Variants in SV2C observed in about 807,000 individuals in gnomAD.
SV2C encodes the protein synaptic vesicle glycoprotein 2C.
Under a neutral mutation model 79.7 loss-of-function variants are expected in SV2C, and 49 were observed. That is an observed-to-expected ratio of 0.61 (90% CI 0.49 to 0.78). SV2C has a LOEUF of 0.78. Among genes scored for constraint, SV2C ranks in the 30% least tolerant of loss-of-function variants. The pLI, the probability that SV2C is intolerant of heterozygous loss-of-function variation, is 0.00. For synonymous variants in SV2C, 334 were observed against 333.2 expected (o/e 1.00, Z -0.03); for missense variants, 833 against 912.9 (o/e 0.91, Z 1.13).
intron 2 of SV2C, among the ~76,000 whole-genome samples, chr5:76,176,432 G>A (rs908010112): frequency 6.6e-6 from 1 of 152,224 alleles, no homozygotes; most frequent in East Asian, 1.9e-4. Context: ...GCTAATTAAT[G>A]TATTTTTATT....
At position 76,131,893 on chromosome 5, in the gene SV2C, G is replaced by A. The variant is rs542427646; in HGVS notation, c.143G>A (p.Arg48Gln). The A allele has an allele frequency of 5.8e-4, 940 of 1,614,062 alleles. 15 individuals are homozygous for A. In the South Asian group the frequency reaches 9.5e-3, roughly 16 times the overall value. The stretch of plus-strand genomic sequence containing the variant: ...GAATACACCCAGAGGTCCTACAGTC[G>A]GTTCCAAGATGAAGAAGATGATGAT... ...QDEYTQRSYS[R>Q]FQDEEDDDDY... The change falls in exon 2 of 13, where the codon CGG becomes CAG. Residue 48 changes from arginine to glutamine, a missense_variant. Coordinates refer to ENST00000502798, the MANE Select transcript of SV2C (RefSeq NM_014979.4).
At chr5:76,219,431 G>A (rs1450611753) in intron 4 of SV2C, among the ~76,000 whole-genome samples, 3 of 152,138 alleles carry the variant, frequency 2.0e-5, no homozygotes, top group African/African-American at 7.2e-5. Flanking sequence ...TAGTCTTTAA[G>A]GGCTTAAAAA....
the SV2C span, among the ~76,000 whole-genome samples, chr5:75,861,445 C>T: frequency 2.4e-4 from 37 of 152,166 alleles, no homozygotes; most frequent in African/African-American, 8.7e-4. Flanking sequence ...ACAGAACTAC[C>T]ATTCAACTCA....
chr5:76,000,509 T>G, the SV2C span, among the ~76,000 whole-genome samples: 8 of 152,174 alleles, frequency 5.3e-5, no homozygotes, highest in African/African-American at 1.9e-4. Flanking sequence ...GAATCTGAAT[T>G]TTAACAAGCT....
chr5:75,949,239 A>C, the SV2C span, among the ~76,000 whole-genome samples: 1 of 151,986 alleles, frequency 6.6e-6, no homozygotes, highest in Non-Finnish European at 1.5e-5. Context: ...AGCTTATAGA[A>C]CTGTGAGCCA....
At chr5:76,233,966 T>C (rs1346443671) in intron 4 of SV2C, among the ~76,000 whole-genome samples, 3 of 152,198 alleles carry the variant, frequency 2.0e-5, no homozygotes, top group African/African-American at 2.4e-5. Flanking sequence ...AAGTTTTTTA[T>C]TGAAATATTT....
chr5:76,055,404 TGTA>T, the SV2C span, among the ~76,000 whole-genome samples: 7 of 152,208 alleles, frequency 4.6e-5, no homozygotes, highest in African/African-American at 1.7e-4. Context: ...ACTGTAGACT[TGTA>T]GTATAGTTTA....
chr5:76,215,823 A>G (rs930419842), intron 4 of SV2C, among the ~76,000 whole-genome samples: 5 of 151,996 alleles, frequency 3.3e-5, no homozygotes, highest in African/African-American at 9.7e-5. Context: ...TGGCATCCAC[A>G]TTGCAAGTGT....
the SV2C span, among the ~76,000 whole-genome samples, chr5:75,919,396 C>G: frequency 6.6e-6 from 1 of 152,166 alleles, no homozygotes; most frequent in Non-Finnish European, 1.5e-5. Context: ...TGATGAGAAT[C>G]AAAATTGTCT....
rs771932176 is a variant in SV2C at position 76,291,330 on chromosome 5, GAGTA to G, written c.1248+5_1248+8del. ...GTTCGGATCCGCACCGAGCTGTACG[GAGTA>G]AGTAACAAGTCCCATGATGACCTGC... On this transcript the variant is annotated splice_donor_variant and splice_donor_region_variant and coding_sequence_variant and intron_variant, in exon 7 of 13. Transcript: ENST00000502798. LOFTEE classifies it high-confidence loss of function. 3.1e-6 allele frequency: 5 copies of G among 1,592,392 alleles called. No individual in the cohort carries two copies. Among genetic ancestry groups the G allele is most frequent in the African/African-American group, 2.7e-5 (2 of 73,554 alleles).
At chr5:76,249,970 G>A (rs1579987151) in intron 4 of SV2C, among the ~76,000 whole-genome samples, 1 of 152,288 alleles carries the variant, frequency 6.6e-6, no homozygotes, top group Admixed American at 6.5e-5. Flanking sequence ...CAATGGGAAC[G>A]TTTTATTCTG....
chr5:76,281,227 C>G, intron 4 of SV2C: 22 of 527,346 alleles, frequency 4.2e-5, no homozygotes, highest in South Asian at 3.2e-4. Flanking sequence ...CAGTGAAATT[C>G]AACAGAAGAA....
At chr5:76,268,712 A>G (rs986717499) in intron 4 of SV2C, among the ~76,000 whole-genome samples, 2 of 151,956 alleles carry the variant, frequency 1.3e-5, no homozygotes, top group Non-Finnish European at 2.9e-5. Flanking sequence ...AGAATGCTAC[A>G]CTCTTACTAA....
chr5:76,233,699 A>G (rs1202906460), intron 4 of SV2C, among the ~76,000 whole-genome samples: 1 of 151,444 alleles, frequency 6.6e-6, no homozygotes, highest in Non-Finnish European at 1.5e-5. Flanking sequence ...TGAGATAATC[A>G]TGTGGTTTTT....
the SV2C span, among the ~76,000 whole-genome samples, chr5:75,869,172 C>T: frequency 1.3e-5 from 2 of 151,940 alleles, no homozygotes; most frequent in African/African-American, 4.8e-5. Flanking sequence ...ACTTTAGGTA[C>T]CCACCTGGCC....
At chr5:76,037,767 G>C in the SV2C span, among the ~76,000 whole-genome samples, 1 of 152,226 alleles carries the variant, frequency 6.6e-6, no homozygotes, top group Admixed American at 6.5e-5. Flanking sequence ...GCTGTGGTGG[G>C]CTCCACCCTT....
At chr5:75,998,475 C>G in the SV2C span, among the ~76,000 whole-genome samples, 1 of 152,102 alleles carries the variant, frequency 6.6e-6, no homozygotes, top group Non-Finnish European at 1.5e-5. Flanking sequence ...CCATCCTCAA[C>G]TGGGTGGCAT....
intron 4 of SV2C, among the ~76,000 whole-genome samples, chr5:76,237,595 A>G (rs1745650435): frequency 6.6e-6 from 1 of 152,166 alleles, no homozygotes; most frequent in Non-Finnish European, 1.5e-5. Flanking sequence ...CAATTTCTAT[A>G]GAAAAGTTAA....
At chr5:75,883,186 AAAC>A in the SV2C span, among the ~76,000 whole-genome samples, 1 of 133,094 alleles carries the variant, frequency 7.5e-6, no homozygotes, top group Non-Finnish European at 1.5e-5. Context: ...AAAAGTCAGG[AAAC>A]AACAGGTGCT....
Sources: allele counts gnomAD v4.1 joint callset (sites outside exome capture counted in the v4.1 genomes callset), GRCh38; gene constraint gnomAD v4.1.1; transcripts MANE v1.5; gene names NCBI Gene and HGNC (gene_info 2026-07-23, HGNC 2026-07-21).